Variants in G6PC2 observed in about 807,000 individuals in gnomAD.
G6PC2 encodes the protein glucose-6-phosphatase catalytic subunit 2, also known as glucose-6-phosphatase 2.
G6PC2 carries 41 observed loss-of-function variants against 35.4 expected under a neutral mutation model. The ratio of observed to expected loss-of-function variants is 1.16; its 90% CI spans 0.90 to 1.50. The LOEUF (loss-of-function observed/expected upper bound fraction) is 1.50, where lower values mean the gene tolerates loss of function less well. Among genes scored for constraint, G6PC2 ranks in the 40% most tolerant of loss-of-function variants. G6PC2 has a pLI of 0.00. For synonymous variants in G6PC2, 165 were observed against 153.2 expected (o/e 1.08, Z -0.57); for missense variants, 441 against 426.5 (o/e 1.03, Z -0.30).
Position 168,902,465 on chromosome 2 carries a change from C to T in G6PC2, c.239C>T (p.Pro80Leu). Reference protein sequence around the residue: ...IFKWILFGHRPYWWVQETQIY... With the variant: ...IFKWILFGHRLYWWVQETQIY... ...TACAGGATATTATTTGGTCATCGAC[C>T]TTACTGGTGGGTCCAAGAAACTCAG... The change falls in exon 2 of 5, where the codon CCT becomes CTT. Residue 80 changes from proline to leucine, a missense_variant. By Grantham distance (98) the Pro-to-Leu change is moderately conservative. Coordinates refer to ENST00000375363, the MANE Select transcript of G6PC2 (RefSeq NM_021176.3). 1 of 1,493,484 alleles carries T rather than the reference C, an allele frequency of 6.7e-7. No homozygotes were observed. Among genetic ancestry groups the T allele is most frequent in the Non-Finnish European group, 9.3e-7 (1 of 1,070,010 alleles). 92.5% of individuals were successfully genotyped at this position (1,493,484 alleles called of 1,614,324 possible). A position where few individuals can be genotyped will look rare whatever the true frequency, so the allele number is the denominator to read the frequency against.
In G6PC2 at chr2:168,907,735, T is replaced by C. The variant is rs1368375514; in HGVS notation, c.724T>C (p.Trp242Arg). Residue 242 changes from tryptophan (W) to arginine (R), a missense_variant, in exon 5 of 5, where the codon TGG (tryptophan) becomes CGG (arginine). By Grantham distance (101) the Trp-to-Arg change is moderately radical (BLOSUM62 -3). Coordinates refer to ENST00000375363, the MANE Select transcript of G6PC2 (RefSeq NM_021176.3). ...GTGGTCCGTGCCCATAGCCAAAAAG[T>C]GGTGTGCTAACCCCGACTGGATCCA... is the stretch of plus-strand genomic sequence containing the variant. ...LLWSVPIAKKWCANPDWIHID... is the reference protein window; with the variant it reads ...LLWSVPIAKKRCANPDWIHID... The C allele has an allele frequency of 2.5e-6, 4 of 1,614,098 alleles. No homozygotes were observed. Among genetic ancestry groups the C allele is most frequent in the Non-Finnish European group, 3.4e-6 (4 of 1,180,002 alleles).
rs201753573 is a variant in G6PC2 at position 168,907,911 on chromosome 2, A to T, written c.900A>T (p.Ser300=). ...TCCGGTTGCTCTGTGCCTTGACCTC[A>T]TTGACAATACTGCAGCTCTACCATT... ...LSFRLLCALT[S]LTILQLYHFL... Residue 300 remains serine, a synonymous_variant, in exon 5 of 5, where the codon TCA becomes TCT. Coordinates refer to ENST00000375363, the MANE Select transcript of G6PC2 (RefSeq NM_021176.3). 10 of 1,613,972 alleles carry T rather than the reference A, an allele frequency of 6.2e-6. No homozygotes were observed. The highest frequency in any genetic ancestry group is 8.5e-6 in the Non-Finnish European group (10 of 1,179,936).
chr2:168,907,480 C>G lies in G6PC2; in HGVS notation c.557-88C>G, dbSNP rs140008426. The G allele has an allele frequency of 1.2e-4, 165 of 1,320,688 alleles. No individual in the cohort carries two copies. The African/African-American group carries it at 2.0e-3, about 16-fold the overall frequency. 81.8% of individuals were successfully genotyped at this position (1,320,688 alleles called of 1,614,324 possible). Reference sequence around the variant, plus strand: ...GTCTAATGCCCTTTGTCATTGAAAACTGTGGCAAATCTTTAATGCAGAGAG... The same window carrying G: ...GTCTAATGCCCTTTGTCATTGAAAAGTGTGGCAAATCTTTAATGCAGAGAG... On this transcript the variant is annotated intron_variant, in intron 4 of 4. Transcript: ENST00000375363.
chr2:168,905,677 AAT>A (rs912624744), intron 3 of G6PC2, among the ~76,000 whole-genome samples: 1 of 152,218 alleles, frequency 6.6e-6, no homozygotes, highest in African/African-American at 2.4e-5. Context: ...AACCTGAAAA[AAT>A]ATGTTTCTTC....
Position 168,907,608 on chromosome 2 carries a change from C to A in G6PC2, c.597C>A (p.Ile199=), listed in dbSNP as rs779527018. The change falls in exon 5 of 5, where the codon ATC becomes ATA. Residue 199 remains isoleucine (I), a synonymous_variant. Transcript: ENST00000375363. ...VAEAFEHTPG[I]QTASLGTYLK... ...AGGCCTTTGAACACACTCCAGGCAT[C>A]CAAACGGCCAGTCTGGGCACATACC... 1.6e-5 allele frequency: 26 copies of A among 1,613,834 alleles called. No homozygotes were observed. The South Asian group carries it at 2.2e-4, about 14-fold the overall frequency.
intron 2 of G6PC2, among the ~76,000 whole-genome samples, chr2:168,903,835 G>T (rs1000613134): frequency 6.6e-6 from 1 of 152,100 alleles, no homozygotes; most frequent in African/African-American, 2.4e-5. Context: ...CATGGAAAAG[G>T]CATTCTGGAA....
intron 3 of G6PC2, 132 bp downstream of exon 3, chr2:168,904,748 A>G: frequency 2.9e-6 from 2 of 701,106 alleles, no homozygotes; most frequent in Non-Finnish European, 5.2e-6. Context: ...TTCATAGACA[A>G]AATAACAAAA....
Position 168,907,998 on chromosome 2 carries a change from AT to A in G6PC2, c.988del (p.Ser330ProfsTer4). ...FYVLSFCKSA[S>X]IPLTVVAFIP... ...ATGTGCTGTCTTTTTGTAAAAGTGC[AT>A]CCATTCCCCTAACTGTGGTTGCTTT... On this transcript the variant is annotated frameshift_variant, in exon 5 of 5. Coordinates refer to ENST00000375363, the MANE Select transcript of G6PC2 (RefSeq NM_021176.3). LOFTEE classifies it high-confidence loss of function. 1 of 1,613,104 alleles carries A rather than the reference AT, an allele frequency of 6.2e-7. No individual in the cohort carries two copies. The highest frequency in any genetic ancestry group is 8.5e-7 in the Non-Finnish European group (1 of 1,179,104).
intron 2 of G6PC2, among the ~76,000 whole-genome samples, chr2:168,903,900 C>T (rs910936768): frequency 1.3e-5 from 2 of 152,088 alleles, no homozygotes; most frequent in Admixed American, 1.3e-4. Flanking sequence ...TCTCCTCATC[C>T]TCTGTTTTAA....
intron 2 of G6PC2, 152 bp downstream of exon 2, chr2:168,902,706 TGAG>T (rs1281349772): frequency 1.5e-6 from 1 of 654,430 alleles, no homozygotes; most frequent in Non-Finnish European, 2.8e-6. Context: ...AAATTACTAA[TGAG>T]GAAGCAAAGC....
chr2:168,902,427 A>G lies in G6PC2; in HGVS notation c.219-18A>G, dbSNP rs1326503250. 3.1e-6 allele frequency: 3 copies of G among 958,080 alleles called. No homozygotes were observed. The highest frequency in any genetic ancestry group is 2.6e-5 in the South Asian group (2 of 77,870). 59.3% of individuals were successfully genotyped at this position (958,080 alleles called of 1,614,324 possible). A position where few individuals can be genotyped will look rare whatever the true frequency, so the allele number is the denominator to read the frequency against. ...TGTATTTAAATATATATGCATGTTT[A>G]TAATTCTTTAAATACAGGATATTAT... On this transcript the variant is annotated intron_variant, in intron 1 of 4. Coordinates refer to ENST00000375363, the MANE Select transcript of G6PC2 (RefSeq NM_021176.3).
intron 4 of G6PC2, 113 bp downstream of exon 4, chr2:168,906,892 G>A (rs1690724818): frequency 1.3e-6 from 1 of 747,902 alleles, no homozygotes; most frequent in Non-Finnish European, 2.5e-6. Flanking sequence ...AGGTAATTCT[G>A]TGAAGTCACT....
intron 2 of G6PC2, among the ~76,000 whole-genome samples, chr2:168,903,985 T>C (rs1690655585): frequency 6.6e-6 from 1 of 152,042 alleles, no homozygotes; most frequent in Non-Finnish European, 1.5e-5. Context: ...CATTTGTAAG[T>C]CAATCAGCAA....
intron 2 of G6PC2, among the ~76,000 whole-genome samples, 165 bp downstream of exon 2, chr2:168,902,719 CA>C (rs59340389): frequency 6.6e-6 from 1 of 151,200 alleles, no homozygotes; most frequent in East Asian, 1.9e-4. Context: ...GGAAGCAAAG[CA>C]AAAAAAATAC....
intron 3 of G6PC2, among the ~76,000 whole-genome samples, chr2:168,905,828 A>G (rs937795989): frequency 6.6e-6 from 1 of 151,988 alleles, no homozygotes; most frequent in Non-Finnish European, 1.5e-5. Context: ...TTGGTATCCC[A>G]CTTACTTCTT....
rs1690656454 is a variant in G6PC2 at position 168,904,042 on chromosome 2, C to T, written c.329-463C>T. Among the ~76,000 whole-genome samples, 2 of 151,922 alleles carry T rather than the reference C, an allele frequency of 1.3e-5. 1 individual carries two copies. Among genetic ancestry groups the T allele is most frequent in the South Asian group, 4.2e-4 (2 of 4,812 alleles). On this transcript the variant is annotated intron_variant, in intron 2 of 4. Coordinates refer to ENST00000375363, the MANE Select transcript of G6PC2 (RefSeq NM_021176.3). ...TCCTTTAGAGTTTGACTTCTCAGCC[C>T]AAGGAAAATAAGCCAACTGAAGATC...
At position 168,909,814 on chromosome 2, in the gene G6PC2, GAAGT is replaced by G. The variant is rs1477748415; in HGVS notation, c.*1736_*1739del. 3 of 152,284 alleles carry G rather than the reference GAAGT, an allele frequency of 2.0e-5. No individual in the cohort carries two copies. The highest frequency in any genetic ancestry group is 7.2e-5 in the African/African-American group (3 of 41,544). The allele number at this position is 152,284 out of a possible 1,614,324, so 9.4% of individuals were successfully genotyped here. On this transcript the variant is annotated 3_prime_UTR_variant, in exon 5 of 5. Coordinates refer to ENST00000375363, the MANE Select transcript of G6PC2 (RefSeq NM_021176.3). The stretch of plus-strand genomic sequence containing the variant: ...GAATATTAATGAAAACAATACAGTT[GAAGT>G]GAGTGTTGTTTAACATGATAGTAGC...
At chr2:168,901,741 T>G (rs1330355527) in intron 1 of G6PC2, among the ~76,000 whole-genome samples, 192 bp downstream of exon 1, 3 of 146,992 alleles carry the variant, frequency 2.0e-5, no homozygotes, top group Non-Finnish European at 3.0e-5. Context: ...GTTTTTGTTT[T>G]TTTTTTTTTT....
At chr2:168,903,648 T>TG (rs1690649092) in intron 2 of G6PC2, among the ~76,000 whole-genome samples, 1 of 152,108 alleles carries the variant, frequency 6.6e-6, no homozygotes, top group African/African-American at 2.4e-5. Context: ...AGACTGCATC[T>TG]CTCGGGGAGA....
Sources: gnomAD v4.1 joint callset for allele counts (sites outside exome capture counted in the v4.1 genomes callset) on GRCh38, gnomAD v4.1.1 for gene constraint, MANE v1.5 for transcripts, NCBI Gene and HGNC (gene_info 2026-07-23, HGNC 2026-07-21) for gene names.